Variants in RGS22 observed in about 807,000 individuals in gnomAD.
The protein encoded by RGS22 is regulator of G-protein signaling 22.
RGS22 carries 148 observed loss-of-function variants against 172.9 expected under a neutral mutation model. The ratio of observed to expected loss-of-function variants is 0.86; its 90% CI spans 0.75 to 0.98. RGS22 has a LOEUF of 0.98. RGS22 is among the 50% of genes least tolerant of loss of function. The pLI, the probability that RGS22 is intolerant of heterozygous loss-of-function variation, is 0.00. For missense variants in RGS22, 1,347 were observed against 1,440.8 expected (o/e 0.93, Z 1.05); for synonymous variants, 458 against 480.2 (o/e 0.95, Z 0.60).
At chr8:100,007,729 CA>C (rs1342785976) in intron 15 of RGS22, among the ~76,000 whole-genome samples, 1 of 144,286 alleles carries the variant, frequency 6.9e-6, no homozygotes, top group South Asian at 2.2e-4. Context: ...GTACGGAGAG[CA>C]AAAAATGACA....
chr8:100,058,323 A>C (rs1267380416), intron 9 of RGS22, among the ~76,000 whole-genome samples: 1 of 152,200 alleles, frequency 6.6e-6, no homozygotes, highest in East Asian at 1.9e-4. Flanking sequence ...TCAAACCTAG[A>C]GAAAGATATC....
At chr8:100,073,996 ATAACT>A (rs1254658838) in intron 4 of RGS22, among the ~76,000 whole-genome samples, 2 of 152,328 alleles carry the variant, frequency 1.3e-5, no homozygotes, top group Middle Eastern at 3.4e-3. Flanking sequence ...CAACCATAAA[ATAACT>A]TAATAAATAC....
In RGS22 at chr8:99,989,595, G is replaced by C. The variant is rs150695121; in HGVS notation, c.3019-1976C>G. 3.6e-3 allele frequency among the ~76,000 whole-genome samples: 542 copies of C among 152,222 alleles called. 5 individuals carry two copies. The highest frequency in any genetic ancestry group is 0.013 in the African/African-American group (524 of 41,546). On this transcript the variant is annotated intron_variant, in intron 20 of 27. Transcript: ENST00000360863. ...GTGTTGGCTCACGCCTGTAATCCTA[G>C]CAGTTTGGGAGGCCTAGACAGGTGG...
At chr8:99,967,374 G>A (rs1588866278) in intron 23 of RGS22, among the ~76,000 whole-genome samples, 2 of 151,670 alleles carry the variant, frequency 1.3e-5, no homozygotes, top group South Asian at 4.2e-4. Context: ...GAACCCCAGC[G>A]AGACAGAACC....
chr8:99,980,439 T>C (rs1391956272), intron 22 of RGS22, among the ~76,000 whole-genome samples: 2 of 152,012 alleles, frequency 1.3e-5, no homozygotes, highest in African/African-American at 2.4e-5. Context: ...GACAACTAGG[T>C]AAGTTTTAGG....
intron 2 of RGS22, 79 bp downstream of exon 2, chr8:100,105,295 A>C: frequency 8.7e-7 from 1 of 1,145,728 alleles, no homozygotes; most frequent in South Asian, 1.3e-5. Flanking sequence ...AAGAAAACAC[A>C]CAGCTTTCTT....
intron 6 of RGS22, among the ~76,000 whole-genome samples, chr8:100,068,946 A>G (rs1280673858): frequency 4.3e-5 from 4 of 93,230 alleles, no homozygotes; most frequent in Non-Finnish European, 8.1e-5. Context: ...AAAAAAAAAA[A>G]AAAGAAAGAA....
intron 3 of RGS22, among the ~76,000 whole-genome samples, chr8:100,090,393 T>C (rs558200343): frequency 1.1e-4 from 16 of 151,256 alleles, no homozygotes; most frequent in South Asian, 2.1e-4. Context: ...CAGGAAAGAG[T>C]ATGCAGGATG....
intron 2 of RGS22, among the ~76,000 whole-genome samples, chr8:100,095,687 T>C (rs1204871589): frequency 6.6e-6 from 1 of 152,212 alleles, no homozygotes; most frequent in African/African-American, 2.4e-5. Flanking sequence ...CACTACAGAC[T>C]GATAAGAGTT....
chr8:100,005,184 G>C (rs946604111), intron 16 of RGS22, among the ~76,000 whole-genome samples: 1 of 151,464 alleles, frequency 6.6e-6, no homozygotes, highest in Non-Finnish European at 1.5e-5. Flanking sequence ...AGAACTTCTG[G>C]ATAAGAATAA....
intron 16 of RGS22, among the ~76,000 whole-genome samples, chr8:100,005,386 T>C (rs1815583039): frequency 6.6e-6 from 1 of 152,158 alleles, no homozygotes; most frequent in Admixed American, 6.6e-5. Flanking sequence ...GTTTTTCTGT[T>C]CCAAAAATTT....
Position 100,047,507 on chromosome 8 carries a change from C to T in RGS22, c.1779G>A (p.Glu593=). The T allele has an allele frequency of 6.2e-7, 1 of 1,612,130 alleles. No homozygotes were observed. The highest frequency in any genetic ancestry group is 8.5e-7 in the Non-Finnish European group (1 of 1,179,212). Residue 593 remains glutamate (E), a synonymous_variant, in exon 11 of 28, where the codon GAG becomes GAA. Coordinates refer to ENST00000360863, the MANE Select transcript of RGS22 (RefSeq NM_015668.5). Reference sequence around the variant, plus strand: ...CCTTAGAAGAACCTGGATACAAAAGCTCCCGCTTCCAAGGCTTTTGAGTTG... The same window carrying T: ...CCTTAGAAGAACCTGGATACAAAAGTTCCCGCTTCCAAGGCTTTTGAGTTG... ...KTATQKPWKR[E]LLYPGSSKDD... is the part of the protein sequence containing the mutation.
At chr8:100,085,260 G>C (rs936638548) in intron 3 of RGS22, among the ~76,000 whole-genome samples, 1 of 152,072 alleles carries the variant, frequency 6.6e-6, no homozygotes, top group African/African-American at 2.4e-5. Context: ...TATTCAATAA[G>C]TATTTAATTA....
At chr8:100,089,148 A>T (rs1563721651) in intron 3 of RGS22, among the ~76,000 whole-genome samples, 2 of 151,750 alleles carry the variant, frequency 1.3e-5, no homozygotes, top group South Asian at 2.1e-4. Context: ...TGGTCAAGAA[A>T]GTCCAATCTT....
At chr8:99,978,724 C>G (rs891347415) in intron 22 of RGS22, among the ~76,000 whole-genome samples, 1 of 152,188 alleles carries the variant, frequency 6.6e-6, no homozygotes, top group Non-Finnish European at 1.5e-5. Context: ...AATAGTTGCT[C>G]TAATTCTCAT....
In RGS22 at chr8:99,978,186, T is replaced by C. The variant is rs949667581; in HGVS notation, c.3361-111A>G. ...TATCTTTAATATATACCATGTTTGC[T>C]CCAACTTATTGTCTCCAGACATCTT... On this transcript the variant is annotated intron_variant, in intron 22 of 27. Coordinates refer to ENST00000360863, the MANE Select transcript of RGS22 (RefSeq NM_015668.5). 8.8e-6 allele frequency: 5 copies of C among 565,702 alleles called. No homozygotes were observed. The African/African-American group carries it at 9.9e-5, about 11-fold the overall frequency. The allele number at this position is 565,702 out of a possible 1,614,324, so 35.0% of individuals were successfully genotyped here.
At chr8:100,039,771 G>C (rs1450407691) in intron 13 of RGS22, among the ~76,000 whole-genome samples, 191 bp downstream of exon 13, 1 of 151,686 alleles carries the variant, frequency 6.6e-6, no homozygotes, top group African/African-American at 2.4e-5. Flanking sequence ...AATGTAATTT[G>C]TAATTGTAGG....
chr8:100,039,158 T>C lies in RGS22; in HGVS notation c.2065-126A>G, dbSNP rs936759440. ...ACCATAAATCAGGTTCAATTTAAGA[T>C]GGTTTTAATCTTCTATCACAAACTG... On this transcript the variant is annotated intron_variant, in intron 13 of 27. Transcript: ENST00000360863. The C allele has an allele frequency of 2.5e-5, 12 of 479,528 alleles. No individual in the cohort carries two copies. The East Asian group carries it at 3.5e-4, about 14-fold the overall frequency. 29.7% of individuals were successfully genotyped at this position (479,528 alleles called of 1,614,324 possible).
At chr8:99,990,452 G>A (rs1813598288) in intron 20 of RGS22, among the ~76,000 whole-genome samples, 1 of 152,052 alleles carries the variant, frequency 6.6e-6, no homozygotes, top group Non-Finnish European at 1.5e-5. Flanking sequence ...AAATTTTCCT[G>A]GCCGTGGGAT....
Sources: gnomAD v4.1 joint callset for allele counts (sites outside exome capture counted in the v4.1 genomes callset) on GRCh38, gnomAD v4.1.1 for gene constraint, MANE v1.5 for transcripts, NCBI Gene and HGNC (gene_info 2026-07-23, HGNC 2026-07-21) for gene names.